TNKS: variants seen among roughly 807,000 people sequenced by gnomAD.
The protein encoded by TNKS is poly [ADP-ribose] polymerase tankyrase-1.
A neutral mutation model predicts 135.8 loss-of-function variants in TNKS; 72 were observed. That is an observed-to-expected ratio of 0.53 (90% confidence interval 0.44 to 0.64). The LOEUF (loss-of-function observed/expected upper bound fraction) is 0.64. TNKS is among the 30% of genes least tolerant of loss of function. TNKS has a pLI of 0.00. For synonymous variants in TNKS, 849 were observed against 649.3 expected, an observed-to-expected ratio of 1.31 and a Z score of -4.68; for missense variants, 1,769 against 1,674.0, an observed-to-expected ratio of 1.06 and a Z score of -0.99.
chr8:9,701,432 T>G (rs1291311712), intron 5 of TNKS, among the ~76,000 whole-genome samples: 1 of 152,208 alleles, frequency 6.6e-6, no homozygotes, highest in Non-Finnish European at 1.5e-5. Flanking sequence ...ATATTAAATA[T>G]TAGCTATGTG....
intron 2 of TNKS, among the ~76,000 whole-genome samples, chr8:9,610,252 A>C (rs1203887855): frequency 6.6e-6 from 1 of 152,058 alleles, no homozygotes; most frequent in Non-Finnish European, 1.5e-5. Context: ...ATAATAAGTA[A>C]TGTGTATTTT....
intron 2 of TNKS, among the ~76,000 whole-genome samples, chr8:9,600,686 G>T (rs1222306002): frequency 1.3e-5 from 2 of 152,106 alleles, no homozygotes; most frequent in Non-Finnish European, 2.9e-5. Context: ...AAAGTTACAT[G>T]TAATGAGACA....
intron 20 of TNKS, among the ~76,000 whole-genome samples, chr8:9,758,576 A>G (rs553254580): frequency 2.6e-5 from 4 of 152,290 alleles, no homozygotes; most frequent in African/African-American, 7.2e-5. Flanking sequence ...CTGTATGTCA[A>G]CAATCTAAGC....
At chr8:9,639,459 C>T (rs983426943) in intron 3 of TNKS, among the ~76,000 whole-genome samples, 1 of 150,220 alleles carries the variant, frequency 6.7e-6, no homozygotes, top group Non-Finnish European at 1.5e-5. Flanking sequence ...TAAATATGGT[C>T]ACTTTAAAAT....
intron 1 of TNKS, among the ~76,000 whole-genome samples, chr8:9,561,526 C>T (rs936192417): frequency 2.0e-5 from 3 of 152,104 alleles, no homozygotes; most frequent in African/African-American, 7.2e-5. Flanking sequence ...GATTTTGTAA[C>T]GTGTATCAGT....
intron 5 of TNKS, among the ~76,000 whole-genome samples, chr8:9,702,520 A>G (rs538970419): frequency 6.6e-5 from 10 of 152,334 alleles, no homozygotes; most frequent in Non-Finnish European, 1.2e-4. Context: ...ACATTCTTAA[A>G]ATATTAAAGG....
At chr8:9,665,154 C>T (rs897336597) in intron 3 of TNKS, among the ~76,000 whole-genome samples, 8 of 152,150 alleles carry the variant, frequency 5.3e-5, no homozygotes, top group Non-Finnish European at 1.2e-4. Context: ...ATTCTGTTGA[C>T]GTAAGTTTCC....
chr8:9,621,640 T>G (rs568168445), intron 3 of TNKS, among the ~76,000 whole-genome samples: 4 of 152,250 alleles, frequency 2.6e-5, no homozygotes, highest in African/African-American at 9.6e-5. Flanking sequence ...GTTTTGCACG[T>G]TAGCTATACT....
intron 12 of TNKS, among the ~76,000 whole-genome samples, chr8:9,725,294 G>T (rs1287644369): frequency 1.3e-5 from 2 of 152,160 alleles, no homozygotes; most frequent in African/African-American, 4.8e-5. Flanking sequence ...AGATGAGCAA[G>T]ATCTGGTTCC....
Position 9,772,866 on chromosome 8 carries a change from G to A in TNKS, c.3897+2604G>A, listed in dbSNP as rs76444604. Among the ~76,000 whole-genome samples the A allele has an allele frequency of 7.8e-3, 1,097 of 141,330 alleles. 8 individuals are homozygous for A. Among genetic ancestry groups the A allele is most frequent in the Non-Finnish European group, 0.013 (830 of 65,300 alleles). 92.7% of individuals were successfully genotyped at this position (141,330 alleles called of 152,430 possible). A position where few individuals can be genotyped will look rare whatever the true frequency, so the allele number is the denominator to read the frequency against. On this transcript the variant is annotated intron_variant, in intron 26 of 26. Transcript: ENST00000310430. The stretch of plus-strand genomic sequence containing the variant: ...GTGTGTGTGTGTGTGTGTGTAGTGC[G>A]TATGTGTGGGTGTGGGTGTATCTAG...
At chr8:9,750,084 A>G (rs1806441618) in intron 18 of TNKS, among the ~76,000 whole-genome samples, 1 of 152,230 alleles carries the variant, frequency 6.6e-6, no homozygotes. Context: ...GCAGTGGGAC[A>G]ATGCCCATAA....
Position 9,602,905 on chromosome 8 carries a change from T to C in TNKS, c.899-12677T>C, listed in dbSNP as rs764544324. 8.3e-4 allele frequency among the ~76,000 whole-genome samples: 126 copies of C among 152,352 alleles called. 2 individuals are homozygous for C. The highest frequency in any genetic ancestry group is 6.8e-3 in the Middle Eastern group (2 of 294). On this transcript the variant is annotated intron_variant, in intron 2 of 26. Coordinates refer to ENST00000310430, the MANE Select transcript of TNKS (RefSeq NM_003747.3). ...ATTTTATACTTAAAGCATATCTCAA[T>C]TGAAACAACGTTTTCATGATCAATA...
intron 5 of TNKS, among the ~76,000 whole-genome samples, chr8:9,688,270 T>C (rs1040512153): frequency 5.3e-5 from 8 of 152,176 alleles, no homozygotes; most frequent in African/African-American, 1.4e-4. Flanking sequence ...AAAGACTATA[T>C]TGTGTAAAAA....
chr8:9,717,055 A>G (rs1326254450), intron 11 of TNKS, among the ~76,000 whole-genome samples: 5 of 122,298 alleles, frequency 4.1e-5, no homozygotes, highest in Admixed American at 8.7e-5. Flanking sequence ...ACCACCAAAG[A>G]TAATCTGTTG....
intron 10 of TNKS, 30 bp downstream of exon 10, chr8:9,710,076 G>T (rs780866091): frequency 8.1e-6 from 13 of 1,611,582 alleles, no homozygotes; most frequent in Non-Finnish European, 1.1e-5. Context: ...GAGTTGTTCA[G>T]TTCCTAAAGA....
intron 17 of TNKS, among the ~76,000 whole-genome samples, chr8:9,742,551 ATCTCAAT>A (rs1806021866): frequency 6.6e-6 from 1 of 151,602 alleles, no homozygotes. Context: ...ATTTCTCTTA[ATCTCAAT>A]TAATAGACTT....
intron 20 of TNKS, among the ~76,000 whole-genome samples, 174 bp downstream of exon 20, chr8:9,752,800 A>T (rs555341970): frequency 6.6e-6 from 1 of 152,144 alleles, no homozygotes; most frequent in South Asian, 2.1e-4. Flanking sequence ...TACAAAAAAA[A>T]AAGTTTTTAA....
chr8:9,654,363 G>GT (rs1801264957), intron 3 of TNKS, among the ~76,000 whole-genome samples: 2 of 69,170 alleles, frequency 2.9e-5, no homozygotes, highest in African/African-American at 1.2e-4. Context: ...AAAATCGAGT[G>GT]TTTCTTGTGT....
chr8:9,707,028 C>G, intron 8 of TNKS, 31 bp downstream of exon 8: 1 of 1,512,122 alleles, frequency 6.6e-7, no homozygotes, highest in Non-Finnish European at 8.9e-7. Flanking sequence ...ATCATTATCG[C>G]ATAAATTGGA....
Sources: gnomAD v4.1 joint callset for allele counts (sites outside exome capture counted in the v4.1 genomes callset) on GRCh38, gnomAD v4.1.1 for gene constraint, MANE v1.5 for transcripts, NCBI Gene and HGNC (gene_info 2026-07-23, HGNC 2026-07-21) for gene names.